Variants in SNX29 observed in about 807,000 individuals in gnomAD.
SNX29 encodes the protein sorting nexin 29.
Under a neutral mutation model 102.1 loss-of-function variants are expected in SNX29, and 78 were observed. That is an observed-to-expected ratio of 0.76 (90% CI 0.64 to 0.92). The LOEUF (loss-of-function observed/expected upper bound fraction) is 0.92. Ranked by LOEUF, SNX29 falls within the 40% of genes least tolerant of loss-of-function variation. The pLI is 0.00. For missense variants in SNX29, 1,280 were observed against 1,061.7 expected, an observed-to-expected ratio of 1.21 and a Z score of -2.86; for synonymous variants, 580 against 414.5, an observed-to-expected ratio of 1.40 and a Z score of -4.85.
intron 19 of SNX29, among the ~76,000 whole-genome samples, chr16:12,523,037 C>T (rs1003077507): frequency 2.0e-5 from 3 of 152,176 alleles, no homozygotes; most frequent in Middle Eastern, 6.3e-3. Flanking sequence ...GTCTCAAACT[C>T]CTGGGCTCAA....
chr16:12,291,386 C>T (rs543542971), intron 15 of SNX29, among the ~76,000 whole-genome samples: 1 of 152,184 alleles, frequency 6.6e-6, no homozygotes, highest in Non-Finnish European at 1.5e-5. Flanking sequence ...TCTCGTGAGA[C>T]TTGCTCACTG....
chr16:12,209,922 G>A (rs1170735820), intron 14 of SNX29, among the ~76,000 whole-genome samples: 1 of 152,220 alleles, frequency 6.6e-6, no homozygotes, highest in Non-Finnish European at 1.5e-5. Flanking sequence ...AAGGGTAGCA[G>A]GTGCTGGCGG....
intron 17 of SNX29, among the ~76,000 whole-genome samples, chr16:12,400,862 A>T (rs1472267703): frequency 2.0e-5 from 3 of 152,150 alleles, no homozygotes; most frequent in Non-Finnish European, 4.4e-5. Flanking sequence ...TTGCTCTGTC[A>T]CCCAGGTTGG....
At chr16:12,403,734 G>A (rs555820638) in intron 18 of SNX29, among the ~76,000 whole-genome samples, 12 of 152,270 alleles carry the variant, frequency 7.9e-5, no homozygotes, top group African/African-American at 2.2e-4. Context: ...GGGCCTCTTC[G>A]TGCCAGTCAG....
In SNX29 at chr16:12,572,492, A is replaced by G; in HGVS notation, c.*3863A>G. ...CCTGAGGACCAGTTCTTGGGGTTCCAGGCCTCGGCCTTCCTGCTCCACGTG... is the reference window on the plus strand; with the variant it reads ...CCTGAGGACCAGTTCTTGGGGTTCCGGGCCTCGGCCTTCCTGCTCCACGTG... On this transcript the variant is annotated 3_prime_UTR_variant, in exon 21 of 21. Coordinates refer to ENST00000566228, the MANE Select transcript of SNX29 (RefSeq NM_032167.5). 9.4e-7 allele frequency: 1 copy of G among 1,063,646 alleles called. No individual in the cohort carries two copies. The highest frequency in any genetic ancestry group is 1.1e-6 in the Non-Finnish European group (1 of 878,208). The allele number at this position is 1,063,646 out of a possible 1,614,324, so 65.9% of individuals were successfully genotyped here.
intron 14 of SNX29, among the ~76,000 whole-genome samples, chr16:12,238,198 C>G (rs2077994326): frequency 6.6e-6 from 1 of 151,008 alleles, no homozygotes; most frequent in Non-Finnish European, 1.5e-5. Flanking sequence ...ATAACTGTAA[C>G]AGTTGTAAAA....
chr16:11,976,738 G>T lies in SNX29; in HGVS notation c.-69G>T. The T allele has an allele frequency of 8.4e-7, 1 of 1,193,428 alleles. No homozygotes were observed. The highest frequency in any genetic ancestry group is 1.1e-6 in the Non-Finnish European group (1 of 930,222). 73.9% of individuals were successfully genotyped at this position (1,193,428 alleles called of 1,614,324 possible). A position where few individuals can be genotyped will look rare whatever the true frequency, so the allele number is the denominator to read the frequency against. On this transcript the variant is annotated 5_prime_UTR_variant, in exon 1 of 21. Transcript: ENST00000566228. ...GGGGCTCCTGTCTCCCGGCCTGTCT[G>T]GAGCTCGGCAGCCGCAGAAGCGGCA... is the stretch of plus-strand genomic sequence containing the variant.
At chr16:12,443,834 C>T (rs1187450818) in intron 18 of SNX29, among the ~76,000 whole-genome samples, 1 of 152,236 alleles carries the variant, frequency 6.6e-6, no homozygotes, top group Non-Finnish European at 1.5e-5. Context: ...CTGTCTGAGC[C>T]TCAGTTTCTT....
At chr16:12,074,039 C>CG (rs201575367) in intron 10 of SNX29, among the ~76,000 whole-genome samples, 1,877 of 152,116 alleles carry the variant, frequency 0.012, 21 homozygotes, top group South Asian at 0.053. Flanking sequence ...TTCCTCCATC[C>CG]TTTTATTTTG....
rs1567608688 is a variant in SNX29, at chr16:12,481,545, CACACACA to C, written c.2178+3687_2178+3693del. ...ACACACACACACACACACACACACA[CACACACA>C]CACCCCAAATGTCACCCTGTCGCCC... On this transcript the variant is annotated intron_variant, in intron 19 of 20. Coordinates refer to ENST00000566228, the MANE Select transcript of SNX29 (RefSeq NM_032167.5). Among the ~76,000 whole-genome samples the C allele has an allele frequency of 5.9e-3, 779 of 132,000 alleles. 5 individuals are homozygous for C. The highest frequency in any genetic ancestry group is 0.012 in the African/African-American group (460 of 38,226). The allele number at this position is 132,000 out of a possible 152,430, so 86.6% of individuals were successfully genotyped here.
chr16:12,546,961 T>C (rs1219288606), intron 20 of SNX29, among the ~76,000 whole-genome samples: 1 of 152,126 alleles, frequency 6.6e-6, no homozygotes, highest in Non-Finnish European at 1.5e-5. Flanking sequence ...CACCCCTCCA[T>C]CCACCCATTC....
At chr16:12,370,096 C>G (rs2082628902) in intron 16 of SNX29, among the ~76,000 whole-genome samples, 1 of 151,504 alleles carries the variant, frequency 6.6e-6, no homozygotes, top group South Asian at 2.1e-4. Context: ...GTAGCATGTG[C>G]CCTTAATCCC....
intron 9 of SNX29, among the ~76,000 whole-genome samples, chr16:12,066,755 G>A (rs1221068679): frequency 6.6e-6 from 1 of 151,736 alleles, no homozygotes; most frequent in African/African-American, 2.4e-5. Context: ...GGTGGGGTGG[G>A]GGCTGAGGGA....
At chr16:12,016,381 G>T (rs1473520722) in intron 3 of SNX29, among the ~76,000 whole-genome samples, 1 of 152,108 alleles carries the variant, frequency 6.6e-6, no homozygotes, top group Non-Finnish European at 1.5e-5. Context: ...AGCAGCCTCT[G>T]GCTTTCGAAA....
chr16:12,320,468 C>A (rs891557733), intron 15 of SNX29, among the ~76,000 whole-genome samples: 9 of 152,146 alleles, frequency 5.9e-5, no homozygotes, highest in Non-Finnish European at 1.2e-4. Flanking sequence ...CATCATCAGC[C>A]CCAAGCTGTG....
At chr16:12,543,654 G>T (rs964748882) in intron 20 of SNX29, among the ~76,000 whole-genome samples, 2 of 152,240 alleles carry the variant, frequency 1.3e-5, no homozygotes, top group Non-Finnish European at 2.9e-5. Context: ...TCTGTCTCCA[G>T]ACGCTCTTCC....
At chr16:12,347,956 G>A (rs1394419744) in intron 15 of SNX29, among the ~76,000 whole-genome samples, 1 of 151,486 alleles carries the variant, frequency 6.6e-6, no homozygotes, top group Non-Finnish European at 1.5e-5. Flanking sequence ...GCACATGGCT[G>A]TAGTCCCAGC....
intron 13 of SNX29, among the ~76,000 whole-genome samples, chr16:12,195,985 C>CTTTTTTTT (rs762409358): frequency 8.5e-6 from 1 of 117,980 alleles, no homozygotes; most frequent in South Asian, 2.8e-4. Flanking sequence ...GTTTCTTTTC[C>CTTTTTTTT]TTTTTTTTTT....
intron 19 of SNX29, among the ~76,000 whole-genome samples, chr16:12,510,927 T>TG (rs2089589679): frequency 6.6e-6 from 1 of 152,002 alleles, no homozygotes; most frequent in South Asian, 2.1e-4. Context: ...GTCCTTCCTG[T>TG]GGGGAGACAG....
Sources: gnomAD v4.1 joint callset for allele counts (sites outside exome capture counted in the v4.1 genomes callset) on GRCh38, gnomAD v4.1.1 for gene constraint, MANE v1.5 for transcripts, NCBI Gene and HGNC (gene_info 2026-07-23, HGNC 2026-07-21) for gene names.